EEFSEC: variants seen among roughly 807,000 people sequenced by gnomAD.
EEFSEC encodes eukaryotic elongation factor, selenocysteine-tRNA specific, also known as selenocysteine-specific elongation factor.
In EEFSEC, 43 loss-of-function variants were observed where a neutral mutation model predicts 42.1. The ratio of observed to expected loss-of-function variants is 1.02; its 90% CI spans 0.80 to 1.32. The LOEUF (loss-of-function observed/expected upper bound fraction) is 1.32. EEFSEC is among the 40% of genes most tolerant of loss of function. EEFSEC has a pLI of 0.00. For missense variants in EEFSEC, 745 were observed against 803.6 expected (o/e 0.93, Z 0.88); for synonymous variants, 354 against 339.1 (o/e 1.04, Z -0.48).
intron 2 of EEFSEC, among the ~76,000 whole-genome samples, chr3:128,253,027 T>C (rs1344236718): frequency 6.6e-6 from 1 of 152,158 alleles, no homozygotes; most frequent in Non-Finnish European, 1.5e-5. Flanking sequence ...GTCTCCCTTG[T>C]ACAGCCAGAA....
intron 1 of EEFSEC, among the ~76,000 whole-genome samples, chr3:128,191,842 G>A (rs1389662367): frequency 1.3e-5 from 2 of 152,104 alleles, no homozygotes; most frequent in African/African-American, 4.8e-5. Context: ...ACCACATTTT[G>A]TTTTTCCCTC....
intron 6 of EEFSEC, among the ~76,000 whole-genome samples, chr3:128,370,750 G>A (rs529760744): frequency 3.3e-4 from 50 of 152,352 alleles, no homozygotes; most frequent in South Asian, 6.2e-4. Context: ...AGGGGGCACC[G>A]TTTGGGTGGA....
At chr3:128,255,375 G>A (rs2066231245) in intron 2 of EEFSEC, among the ~76,000 whole-genome samples, 2 of 152,192 alleles carry the variant, frequency 1.3e-5, no homozygotes, top group Admixed American at 1.3e-4. Context: ...AGAGGAAAGC[G>A]ATTGCAAGGG....
At chr3:128,235,971 T>C (rs1362295421) in intron 1 of EEFSEC, among the ~76,000 whole-genome samples, 1 of 152,030 alleles carries the variant, frequency 6.6e-6, no homozygotes, top group African/African-American at 2.4e-5. Context: ...TGTTTGTTTG[T>C]TTGTTTGTTT....
At chr3:128,363,646 C>T (rs532461336) in intron 6 of EEFSEC, among the ~76,000 whole-genome samples, 1 of 152,356 alleles carries the variant, frequency 6.6e-6, no homozygotes, top group Admixed American at 6.5e-5. Flanking sequence ...AATGCTGCCC[C>T]TGTGCCCACC....
At chr3:128,212,220 C>T (rs527665938) in intron 1 of EEFSEC, among the ~76,000 whole-genome samples, 8 of 152,296 alleles carry the variant, frequency 5.3e-5, no homozygotes, top group East Asian at 1.9e-4. Flanking sequence ...AGTTTGGAAA[C>T]GTCTATGATT....
intron 1 of EEFSEC, among the ~76,000 whole-genome samples, chr3:128,175,106 G>T (rs1255942670): frequency 2.0e-5 from 3 of 148,198 alleles, no homozygotes; most frequent in African/African-American, 5.0e-5. Context: ...CTCCCCCTCT[G>T]CTCTACTCCT....
the EEFSEC span, among the ~76,000 whole-genome samples, chr3:128,417,489 C>T: frequency 2.0e-5 from 3 of 152,130 alleles, no homozygotes; most frequent in Admixed American, 6.5e-5. The surrounding 1 kb of genome is among the most constrained non-coding windows in gnomAD (Gnocchi z 4.3). Context: ...AATCCACATT[C>T]CCACCCGCTG....
At chr3:128,279,612 C>T (rs996132038) in intron 4 of EEFSEC, among the ~76,000 whole-genome samples, 1 of 152,212 alleles carries the variant, frequency 6.6e-6, no homozygotes, top group Admixed American at 6.5e-5. Context: ...GGTCGTTTTC[C>T]CATGAAGCAG....
chr3:128,267,154 A>G (rs574833163), intron 4 of EEFSEC, among the ~76,000 whole-genome samples: 3 of 152,234 alleles, frequency 2.0e-5, no homozygotes, highest in Admixed American at 2.0e-4. Context: ...GATAAGAGTC[A>G]GTGGCTGCAA....
At chr3:128,272,786 C>T in intron 4 of EEFSEC, among the ~76,000 whole-genome samples, 1 of 152,128 alleles carries the variant, frequency 6.6e-6, no homozygotes, top group Non-Finnish European at 1.5e-5. Context: ...CATGTCCACC[C>T]CTGGAGCTGG....
chr3:128,253,772 G>A (rs2066213169), intron 2 of EEFSEC, among the ~76,000 whole-genome samples: 1 of 152,086 alleles, frequency 6.6e-6, no homozygotes, highest in South Asian at 2.1e-4. Context: ...CTACTTCTGT[G>A]GGGGCAGTGT....
the EEFSEC span, among the ~76,000 whole-genome samples, chr3:128,425,682 G>A: frequency 2.6e-5 from 4 of 152,330 alleles, no homozygotes; most frequent in East Asian, 7.7e-4. Flanking sequence ...TGACGGAAAT[G>A]GCCAGGATGA....
In EEFSEC at chr3:128,354,595, TAAAC is replaced by T. The variant is rs2067429463; in HGVS notation, c.1444-3621_1444-3618del. Among the ~76,000 whole-genome samples, 4 of 152,186 alleles carry T rather than the reference TAAAC, an allele frequency of 2.6e-5. No individual in the cohort carries two copies. The South Asian group carries it at 8.3e-4, about 32-fold the overall frequency. On this transcript the variant is annotated intron_variant, in intron 5 of 6. Coordinates refer to ENST00000254730, the MANE Select transcript of EEFSEC (RefSeq NM_021937.5). ...TCTAGTCCTTTGTTTATGTAGCACT[TAAAC>T]TAACTTTGGGGTCATCTCTGTCTGG... is the stretch of plus-strand genomic sequence containing the variant.
intron 1 of EEFSEC, among the ~76,000 whole-genome samples, chr3:128,198,740 G>A (rs889273003): frequency 2.0e-5 from 3 of 152,170 alleles, no homozygotes; most frequent in African/African-American, 4.8e-5. Context: ...CAGAGGGAGG[G>A]AACCTATCAC....
intron 1 of EEFSEC, among the ~76,000 whole-genome samples, chr3:128,227,442 C>G (rs936786895): frequency 1.3e-5 from 2 of 152,180 alleles, no homozygotes; most frequent in Admixed American, 1.3e-4. Flanking sequence ...GGGTTTGAGT[C>G]AGGGCCCTGA....
chr3:128,258,780 T>C (rs1452155417), intron 2 of EEFSEC, among the ~76,000 whole-genome samples: 1 of 152,220 alleles, frequency 6.6e-6, no homozygotes, highest in Non-Finnish European at 1.5e-5. Flanking sequence ...ATGTATGTAA[T>C]TAAGGGCAAG....
At chr3:128,411,019 G>T (rs2068169861), downstream of EEFSEC, among the ~76,000 whole-genome samples, 1 of 152,220 alleles carries the variant, frequency 6.6e-6, no homozygotes, top group Non-Finnish European at 1.5e-5. Context: ...GCTCTGTGTG[G>T]CCTGAAAACG....
At chr3:128,212,078 G>A (rs1369885507) in intron 1 of EEFSEC, among the ~76,000 whole-genome samples, 3 of 151,196 alleles carry the variant, frequency 2.0e-5, no homozygotes, top group Non-Finnish European at 2.9e-5. Context: ...AGCCAGGATA[G>A]TCTCGATCTC....
Sources: gnomAD v4.1 joint callset for allele counts (sites outside exome capture counted in the v4.1 genomes callset) on GRCh38, gnomAD v4.1.1 for gene constraint, Gnocchi (gnomAD v3.1) non-coding constraint, MANE v1.5 for transcripts, NCBI Gene and HGNC (gene_info 2026-07-23, HGNC 2026-07-21) for gene names.